UBR4: variants seen among roughly 807,000 people sequenced by gnomAD.
UBR4 encodes the protein E3 ubiquitin-protein ligase UBR4.
UBR4 carries 124 observed loss-of-function variants against 575.6 expected under a neutral mutation model. The observed-to-expected ratio is 0.22, with a 90% CI of 0.19 to 0.25. The LOEUF (loss-of-function observed/expected upper bound fraction) is 0.25. Ranked by LOEUF, UBR4 falls within the 10% of genes least tolerant of loss-of-function variation. The probability of loss-of-function intolerance (pLI) is 1.00; values close to 1 mark genes in which losing one functional copy is unlikely to be tolerated. For missense variants in UBR4, 4,818 were observed against 6,478.8 expected (o/e 0.74, Z 8.80); for synonymous variants, 2,455 against 2,473.7 (o/e 0.99, Z 0.22).
chr1:19,203,926 T>TGTA (rs1411924345), intron 1 of UBR4, among the ~76,000 whole-genome samples: 1 of 152,178 alleles, frequency 6.6e-6, no homozygotes, highest in Non-Finnish European at 1.5e-5. Context: ...AAGGCTCACA[T>TGTA]GTACAGCAGA....
At chr1:19,076,601 A>G (rs2075966319) in intron 105 of UBR4, 139 bp downstream of exon 105, 1 of 1,161,178 alleles carries the variant, frequency 8.6e-7, no homozygotes, top group South Asian at 1.4e-5. Flanking sequence ...CATCTTTCCC[A>G]GGGCTTTCAG....
rs188453941 is a variant in UBR4 at position 19,163,468 on chromosome 1, G to C, written c.4764+296C>G. Among the ~76,000 whole-genome samples, 851 of 152,322 alleles carry C rather than the reference G, an allele frequency of 5.6e-3. 4 individuals carry two copies. The highest frequency in any genetic ancestry group is 9.0e-3 in the Non-Finnish European group (614 of 68,032). On this transcript the variant is annotated intron_variant, in intron 34 of 105. Transcript: ENST00000375254. ...GGCACAGTTCCAAAGCCTGAGCAGG[G>C]AGACAGTTTCCCATAACATTCCAAT...
intron 49 of UBR4, chr1:19,149,732 C>A (rs575686947): frequency 6.2e-6 from 8 of 1,298,796 alleles, no homozygotes; most frequent in Non-Finnish European, 7.1e-6. Flanking sequence ...CACACTCACT[C>A]GTGCAGAGAA....
At chr1:19,174,259 G>C in intron 22 of UBR4, 60 bp downstream of exon 22, 1 of 1,553,026 alleles carries the variant, frequency 6.4e-7, no homozygotes, top group Non-Finnish European at 8.7e-7. Flanking sequence ...GGAAATTTCT[G>C]ATAGAAATGA....
Position 19,152,872 on chromosome 1 carries a change from T to C in UBR4, c.6833-396A>G, listed in dbSNP as rs904554730. On this transcript the variant is annotated intron_variant, in intron 46 of 105. Coordinates refer to ENST00000375254, the MANE Select transcript of UBR4 (RefSeq NM_020765.3). The surrounding 1 kb of genome is among the most constrained non-coding windows in gnomAD (Gnocchi z 4.4). ...TGTAATGGTCTTTGCTTAGCTGGAT[T>C]TGCTCACTGCTAAACTCAAGCTTTC... Among the ~76,000 whole-genome samples the C allele has an allele frequency of 6.6e-6, 1 of 152,208 alleles. No individual in the cohort carries two copies. The highest frequency in any genetic ancestry group is 1.5e-5 in the Non-Finnish European group (1 of 68,034).
chr1:19,175,231 C>A (rs1247101838), intron 20 of UBR4, among the ~76,000 whole-genome samples, 198 bp from the exon 21 acceptor site: 1 of 151,556 alleles, frequency 6.6e-6, no homozygotes. Flanking sequence ...CTGGCCTCTA[C>A]CCCCTGAATG....
In UBR4 at chr1:19,143,504, T is replaced by A. The variant is rs144452098; in HGVS notation, c.8179+476A>T. On this transcript the variant is annotated intron_variant, in intron 55 of 105. Coordinates refer to ENST00000375254, the MANE Select transcript of UBR4 (RefSeq NM_020765.3). ...TACTGTGTATTGTGAGGGAAATTCC[T>A]GTGAAATTTGCTATCCAACTTATTG... is the stretch of plus-strand genomic sequence containing the variant. 6.1e-4 allele frequency among the ~76,000 whole-genome samples: 93 copies of A among 152,356 alleles called. 1 individual carries two copies. The highest frequency in any genetic ancestry group is 2.1e-3 in the African/African-American group (89 of 41,594).
At chr1:19,099,813 C>G (rs1441202967) in intron 89 of UBR4, 136 bp from the exon 90 acceptor site, 1 of 693,360 alleles carries the variant, frequency 1.4e-6, no homozygotes, top group Non-Finnish European at 2.3e-6. Flanking sequence ...CTCTCCCACT[C>G]TTAAAAAATC....
In UBR4 at chr1:19,122,212, C is replaced by T. The variant is rs530768887; in HGVS notation, c.9817-200G>A. ...CTGCTGCAACCGCTGCAGCTCTTAC[C>T]GAACCTGCCTTTGTTCTACCCCATC... On this transcript the variant is annotated intron_variant, in intron 66 of 105. Transcript: ENST00000375254. 2.0e-4 allele frequency among the ~76,000 whole-genome samples: 31 copies of T among 152,280 alleles called. No individual in the cohort carries two copies. In the East Asian group the frequency reaches 2.3e-3, roughly 11 times the overall value.
rs1324550240 is a variant in UBR4, at chr1:19,140,881, T to C, written c.8500A>G (p.Ser2834Gly). 1 of 1,607,182 alleles carries C rather than the reference T, an allele frequency of 6.2e-7. No individual in the cohort carries two copies. Among genetic ancestry groups the C allele is most frequent in the Non-Finnish European group, 8.5e-7 (1 of 1,177,726 alleles). The part of the protein sequence containing the change: ...LQQDQQGSSS[S>G]ALGLQSLGLS... ...CCCAGGCTCTGCAGGCCCAGGGCAC[T>C]GCTGCTGCTGCCTGGGAAACAAGTG... The change falls in exon 58 of 106, where the codon AGT becomes GGT. Residue 2834 changes from serine to glycine, a missense_variant. Transcript: ENST00000375254.
At chr1:19,169,999 A>G (rs1339870639) in intron 26 of UBR4, among the ~76,000 whole-genome samples, 1 of 152,244 alleles carries the variant, frequency 6.6e-6, no homozygotes, top group Non-Finnish European at 1.5e-5. Context: ...TGTTAAATGA[A>G]TATTTAAAGC....
chr1:19,081,362 C>A lies in UBR4; in HGVS notation c.15220G>T (p.Gly5074Cys). ...GCAGGTACTGACCTGGTGGCTCCAC[C>A]TGGAGCCACTGCCCGAGCCTGCGAG... ...VTSQARAVAP[G>C]GATRLTDKAV... The change falls in exon 103 of 106, where the codon GGT (glycine) becomes TGT (cysteine). Residue 5074 changes from glycine to cysteine, a missense_variant. Transcript: ENST00000375254. 1 of 1,601,916 alleles carries A rather than the reference C, an allele frequency of 6.2e-7. No homozygotes were observed. Among genetic ancestry groups the A allele is most frequent in the Non-Finnish European group, 8.5e-7 (1 of 1,173,880 alleles).
rs2084769556 is a variant in UBR4, at chr1:19,145,697, G to A, written c.7945+96C>T. The A allele has an allele frequency of 2.8e-6, 4 of 1,423,644 alleles. No homozygotes were observed. The South Asian group carries it at 4.2e-5, about 15-fold the overall frequency. The allele number at this position is 1,423,644 out of a possible 1,614,324, so 88.2% of individuals were successfully genotyped here. A position where few individuals can be genotyped will look rare whatever the true frequency, so the allele number is the denominator to read the frequency against. ...ATGAGTTCTGGAAGAAATGGATTAT[G>A]AAGAATGAAAGCTAATGGCTAACGG... On this transcript the variant is annotated intron_variant, in intron 53 of 105. Transcript: ENST00000375254.
In UBR4 at chr1:19,150,636, G is replaced by T; in HGVS notation, c.7371C>A (p.Asn2457Lys). 1 of 1,614,032 alleles carries T rather than the reference G, an allele frequency of 6.2e-7. No homozygotes were observed. The highest frequency in any genetic ancestry group is 1.1e-5 in the South Asian group (1 of 91,062). Residue 2457 changes from asparagine (N) to lysine (K), a missense_variant, in exon 49 of 106, where the codon AAC (asparagine) becomes AAA (lysine). Asn to Lys is a moderately conservative substitution (Grantham distance 94). This residue lies in a region of UBR4 where 340 missense variants were observed against 375.4 expected (regional missense o/e 0.91). Coordinates refer to ENST00000375254, the MANE Select transcript of UBR4 (RefSeq NM_020765.3). ...CAGCTGAGTCGCTATCTCCAGTGCC[G>T]TTGCTCTGGTTCAGATTTGAAGGGC... is the stretch of plus-strand genomic sequence containing the variant. ...NICPSNLNQS[N>K]GTGDSDSAAP...
At chr1:19,104,335 G>T in intron 86 of UBR4, 78 bp from the exon 87 acceptor site, 1 of 1,539,746 alleles carries the variant, frequency 6.5e-7, no homozygotes. Context: ...AAGATTATGA[G>T]CAACTCAAAA....
At chr1:19,135,103 ATCAAG>A (rs971037451) in intron 60 of UBR4, among the ~76,000 whole-genome samples, 2 of 152,280 alleles carry the variant, frequency 1.3e-5, no homozygotes, top group South Asian at 2.1e-4. Context: ...TGCATATAAG[ATCAAG>A]TCAAGATTCA....
chr1:19,074,929 A>G, intron 105 of UBR4, 33 bp from the exon 106 acceptor site: 5 of 1,611,314 alleles, frequency 3.1e-6, no homozygotes, highest in South Asian at 1.1e-5. Flanking sequence ...GTGTGTCAGG[A>G]GCAGGCATAC....
chr1:19,198,739 G>A, intron 4 of UBR4, 59 bp from the exon 5 acceptor site: 2 of 1,612,562 alleles, frequency 1.2e-6, no homozygotes, highest in Non-Finnish European at 1.7e-6. Context: ...AGGCAAAGGT[G>A]CCATGGAAAA....
At chr1:19,201,911 C>T in intron 1 of UBR4, 96 bp from the exon 2 acceptor site, 1 of 1,035,840 alleles carries the variant, frequency 9.7e-7, no homozygotes, top group Non-Finnish European at 1.4e-6. Flanking sequence ...TCCTTACTAC[C>T]TGGTAGATAG....
Sources: gnomAD v4.1 joint callset for allele counts (sites outside exome capture counted in the v4.1 genomes callset) on GRCh38, gnomAD v4.1.1 for gene constraint, gnomAD v4.1.1 regional missense constraint, Gnocchi (gnomAD v3.1) non-coding constraint, MANE v1.5 for transcripts, NCBI Gene and HGNC (gene_info 2026-07-23, HGNC 2026-07-21) for gene names.